BRME1: variants seen among roughly 807,000 people sequenced by gnomAD.
BRME1 encodes the protein BRCA2 and MEILB2-associating protein 1.
A neutral mutation model predicts 52.6 loss-of-function variants in BRME1; 31 were observed. That is an observed-to-expected ratio of 0.59 (90% CI 0.44 to 0.80). The LOEUF (loss-of-function observed/expected upper bound fraction) is 0.80, where lower values mean the gene tolerates loss of function less well. Ranked by LOEUF, BRME1 falls within the 30% of genes least tolerant of loss-of-function variation. BRME1 has a pLI of 0.00. For missense variants in BRME1, 804 were observed against 860.3 expected (o/e 0.93, Z 0.82); for synonymous variants, 359 against 353.6 (o/e 1.02, Z -0.17).
chr19:13,897,132 G>A (rs1306764375), intron 2 of BRME1, among the ~76,000 whole-genome samples: 1 of 149,224 alleles, frequency 6.7e-6, no homozygotes, highest in Non-Finnish European at 1.5e-5. Flanking sequence ...TCTGCCTCCC[G>A]GGTTCAAGTG....
intron 2 of BRME1, among the ~76,000 whole-genome samples, chr19:13,902,376 G>A (rs1377221839): frequency 6.6e-6 from 1 of 152,110 alleles, no homozygotes; most frequent in African/African-American, 2.4e-5. Flanking sequence ...GCTCATGCCT[G>A]TAATCCCAGC....
chr19:13,898,274 C>T (rs1470198664), intron 2 of BRME1, among the ~76,000 whole-genome samples: 1 of 152,128 alleles, frequency 6.6e-6, no homozygotes, highest in Non-Finnish European at 1.5e-5. Context: ...TGAGCATTTA[C>T]TGAATGCCTA....
chr19:13,886,962 T>C (rs1337026894), intron 6 of BRME1, among the ~76,000 whole-genome samples: 1 of 152,162 alleles, frequency 6.6e-6, no homozygotes, highest in Non-Finnish European at 1.5e-5. Context: ...AGCAAGGCCC[T>C]GTCTCTAAAA....
At position 13,889,257 on chromosome 19, in the gene BRME1, G is replaced by C; in HGVS notation, c.1599C>G (p.Leu533=). ...GTATCTGGCTGTCCAGCAGGAAGTC[G>C]AGTTCCACAGCTAAAGAGTCTGCCC... The part of the protein sequence containing the change: ...GTWADSLAVE[L]DFLLDSQIQD... The change falls in exon 6 of 9, where the codon CTC becomes CTG. Residue 533 remains leucine, a synonymous_variant. Transcript: ENST00000586783. The C allele has an allele frequency of 6.2e-7, 1 of 1,613,842 alleles. No individual in the cohort carries two copies. The highest frequency in any genetic ancestry group is 8.5e-7 in the Non-Finnish European group (1 of 1,179,918).
In BRME1 at chr19:13,892,152, G is replaced by A. The variant is rs189742259; in HGVS notation, c.393+634C>T. ...TCAAGGGAAGTCTCCCAAAGTGTTG[G>A]GATCATAGGCATGAGCCACTGCACC... is the stretch of plus-strand genomic sequence containing the variant. On this transcript the variant is annotated intron_variant, in intron 5 of 8. Transcript: ENST00000586783. Among the ~76,000 whole-genome samples the A allele has an allele frequency of 1.5e-3, 227 of 152,126 alleles. 1 individual carries two copies. The highest frequency in any genetic ancestry group is 1.2e-3 in the Non-Finnish European group (81 of 67,998).
At chr19:13,904,453 T>G (rs1970517360) in intron 2 of BRME1, among the ~76,000 whole-genome samples, 1 of 151,764 alleles carries the variant, frequency 6.6e-6, no homozygotes, top group Non-Finnish European at 1.5e-5. Flanking sequence ...GTCTTTTTCT[T>G]TTTTTTGAGA....
intron 2 of BRME1, among the ~76,000 whole-genome samples, chr19:13,904,596 A>G (rs1240279679): frequency 6.6e-6 from 1 of 151,352 alleles, no homozygotes; most frequent in Non-Finnish European, 1.5e-5. Flanking sequence ...CATGTGCCAC[A>G]ACACCTGGCT....
chr19:13,889,373 C>A lies in BRME1; in HGVS notation c.1483G>T (p.Glu495Ter). 1.2e-6 allele frequency: 2 copies of A among 1,614,096 alleles called. No homozygotes were observed. The highest frequency in any genetic ancestry group is 1.7e-6 in the Non-Finnish European group (2 of 1,180,018). Residue 495 changes from glutamate (E) to a stop codon, truncating the protein, a stop_gained, in exon 6 of 9, where the codon GAG becomes TAG. Coordinates refer to ENST00000586783, the MANE Select transcript of BRME1 (RefSeq NM_001345843.2). LOFTEE classifies it high-confidence loss of function. ...GGAATGCCCTGCTGAGCCCCGGGCT[C>A]CTGGAGAGGGTCGTCTGCTATTTCT... ...HREIADDPLQ[E>*]PGAQQGIPDT...
intron 2 of BRME1, among the ~76,000 whole-genome samples, chr19:13,900,726 G>A (rs959173363): frequency 6.0e-5 from 9 of 151,148 alleles, no homozygotes; most frequent in East Asian, 1.9e-4. Context: ...TCACTCTGTC[G>A]CCCAGGCTGG....
At chr19:13,901,742 T>C (rs538563952) in intron 2 of BRME1, among the ~76,000 whole-genome samples, 3 of 148,280 alleles carry the variant, frequency 2.0e-5, no homozygotes, top group Non-Finnish European at 4.5e-5. Flanking sequence ...TCTGTATATA[T>C]ACAGAAAAAG....
At chr19:13,895,970 C>G (rs1410219299) in intron 2 of BRME1, among the ~76,000 whole-genome samples, 1 of 152,146 alleles carries the variant, frequency 6.6e-6, no homozygotes, top group Non-Finnish European at 1.5e-5. Flanking sequence ...GCTAAAGATG[C>G]TTATTGACAT....
At chr19:13,897,723 A>G (rs1205327500) in intron 2 of BRME1, among the ~76,000 whole-genome samples, 2 of 151,860 alleles carry the variant, frequency 1.3e-5, no homozygotes, top group Non-Finnish European at 2.9e-5. Flanking sequence ...TTAGCCAAAC[A>G]TGGTGGTGCA....
At position 13,890,193 on chromosome 19, in the gene BRME1, C is replaced by T. The variant is rs1969374987; in HGVS notation, c.663G>A (p.Lys221=). Residue 221 remains lysine, a synonymous_variant, in exon 6 of 9, where the codon AAG becomes AAA. Transcript: ENST00000586783. ...HLSEQGADDS[K]PETDRVPGDG... ...CACCTGGAACCCTGTCTGTCTCAGG[C>T]TTGCTGTCATCGGCCCCTTGTTCTG... 3 of 1,614,252 alleles carry T rather than the reference C, an allele frequency of 1.9e-6. No individual in the cohort carries two copies. The highest frequency in any genetic ancestry group is 8.5e-7 in the Non-Finnish European group (1 of 1,180,052).
In BRME1 at chr19:13,888,928, G is replaced by A. The variant is rs929482610; in HGVS notation, c.1668+260C>T. On this transcript the variant is annotated intron_variant, in intron 6 of 8. Transcript: ENST00000586783. This position sits in a 1 kb window ranked among gnomAD's most constrained non-coding sequence, Gnocchi z 4.1. ...CTGGGGACTCCAGTTCAATGTGGGGGGCCCGGCTGAGAAAGCAGCTGTGTG... is the reference window on the plus strand; with the variant it reads ...CTGGGGACTCCAGTTCAATGTGGGGAGCCCGGCTGAGAAAGCAGCTGTGTG... Among the ~76,000 whole-genome samples, 1 of 152,126 alleles carries A rather than the reference G, an allele frequency of 6.6e-6. No homozygotes were observed. Among genetic ancestry groups the A allele is most frequent in the African/African-American group, 2.4e-5 (1 of 41,406 alleles).
intron 2 of BRME1, among the ~76,000 whole-genome samples, 170 bp downstream of exon 2, chr19:13,904,692 G>A (rs1341856487): frequency 4.6e-5 from 7 of 151,782 alleles, no homozygotes; most frequent in African/African-American, 1.5e-4. Context: ...TGCCCGCCTC[G>A]GCCTCCCAAA....
chr19:13,883,341 A>G lies in BRME1; in HGVS notation c.1823T>C (p.Val608Ala). 1 of 1,535,230 alleles carries G rather than the reference A, an allele frequency of 6.5e-7. No homozygotes were observed. The highest frequency in any genetic ancestry group is 8.7e-7 in the Non-Finnish European group (1 of 1,146,234). Residue 608 changes from valine (V) to alanine (A), a missense_variant, in exon 8 of 9, where the codon GTG becomes GCG. Physicochemically the swap from Val to Ala is moderately conservative, Grantham distance 64. Around this residue, in one of 3 missense-constraint regions of BRME1, gnomAD observed 552 missense variants for 561.1 expected, o/e 0.98. Coordinates refer to ENST00000586783, the MANE Select transcript of BRME1 (RefSeq NM_001345843.2). This position sits in a 1 kb window ranked among gnomAD's most constrained non-coding sequence, Gnocchi z 4.2. ...ASRMEDATNVVRGLIVELSNL... is the reference protein window; with the variant it reads ...ASRMEDATNVARGLIVELSNL... ...GGAGAGCTCAACGATGAGGCCACGC[A>G]CGACGTTGGTGGCATCCTCCATCCT...
At position 13,886,006 on chromosome 19, in the gene BRME1, G is replaced by C. The variant is rs1408171549; in HGVS notation, c.1718C>G (p.Ser573Ter). 1 of 1,614,030 alleles carries C rather than the reference G, an allele frequency of 6.2e-7. No individual in the cohort carries two copies. Among genetic ancestry groups the C allele is most frequent in the Non-Finnish European group, 8.5e-7 (1 of 1,180,026 alleles). ...TGCAACAGGGTCTCCATTGGCATGT[G>C]AGCTGGGGCCCGGCCAGCAAGGGCC... is the stretch of plus-strand genomic sequence containing the variant. ...KPGPCWPGPS[S>*]HANGDPVAVA... The change falls in exon 7 of 9, where the codon TCA becomes TGA. Residue 573 changes from serine (S) to a stop codon, truncating the protein, a stop_gained. Coordinates refer to ENST00000586783, the MANE Select transcript of BRME1 (RefSeq NM_001345843.2). LOFTEE classifies it high-confidence loss of function.
intron 2 of BRME1, among the ~76,000 whole-genome samples, chr19:13,901,985 G>A (rs1264799946): frequency 6.6e-6 from 1 of 151,590 alleles, no homozygotes; most frequent in Admixed American, 6.6e-5. Flanking sequence ...AGGCTGCAGC[G>A]AGCTATGATT....
At chr19:13,885,721 G>A (rs1258908301) in intron 7 of BRME1, among the ~76,000 whole-genome samples, 1 of 152,250 alleles carries the variant, frequency 6.6e-6, no homozygotes, top group Non-Finnish European at 1.5e-5. Flanking sequence ...GGGCTCCTGG[G>A]GAGCTTCTGG....
Sources: gnomAD v4.1 joint callset for allele counts (sites outside exome capture counted in the v4.1 genomes callset) on GRCh38, gnomAD v4.1.1 for gene constraint, gnomAD v4.1.1 regional missense constraint, Gnocchi (gnomAD v3.1) non-coding constraint, MANE v1.5 for transcripts, NCBI Gene and HGNC (gene_info 2026-07-23, HGNC 2026-07-21) for gene names.